Variants in P4HA1 observed in about 807,000 individuals in gnomAD.
The protein encoded by P4HA1 is prolyl 4-hydroxylase subunit alpha 1.
P4HA1 carries 24 observed loss-of-function variants against 72.8 expected under a neutral mutation model. That is an observed-to-expected ratio of 0.33 (90% confidence interval 0.24 to 0.46). The LOEUF is 0.46. P4HA1 is among the 20% of genes least tolerant of loss of function. P4HA1 has a pLI of 1.00. For synonymous variants in P4HA1, 201 were observed against 218.8 expected (o/e 0.92, Z 0.72); for missense variants, 446 against 640.6 (o/e 0.70, Z 3.28).
chr10:73,093,907 T>TACACAC (rs376131663), intron 1 of P4HA1, among the ~76,000 whole-genome samples: 23 of 55,602 alleles, frequency 4.1e-4, no homozygotes, highest in African/African-American at 2.0e-3. Flanking sequence ...TATATATATA[T>TACACAC]ACACACACAC....
intron 7 of P4HA1, among the ~76,000 whole-genome samples, chr10:73,050,511 C>G (rs1277090715): frequency 1.3e-5 from 2 of 151,770 alleles, no homozygotes; most frequent in Non-Finnish European, 2.9e-5. Context: ...ACCAGCCTGG[C>G]CAACATGGTG....
chr10:73,053,314 T>C lies in P4HA1; in HGVS notation c.703+37A>G, dbSNP rs1461189172. 4 of 1,595,310 alleles carry C rather than the reference T, an allele frequency of 2.5e-6. No homozygotes were observed. In the Admixed American group the frequency reaches 6.9e-5, roughly 27 times the overall value. ...AAAATAGAGAATATATATCCCTCAA[T>C]ATAACTATAACCTTAAATTAGGCCC... On this transcript the variant is annotated intron_variant, in intron 6 of 14. Transcript: ENST00000394890.
chr10:73,028,993 C>A (rs1840366908), intron 10 of P4HA1, among the ~76,000 whole-genome samples: 1 of 151,120 alleles, frequency 6.6e-6, no homozygotes, highest in South Asian at 2.1e-4. Context: ...CGCACTGATC[C>A]AAGATTGCAC....
chr10:73,063,565 AT>A (rs1455677215), intron 5 of P4HA1, among the ~76,000 whole-genome samples: 1 of 152,202 alleles, frequency 6.6e-6, no homozygotes, highest in Non-Finnish European at 1.5e-5. Context: ...CAATGCTATT[AT>A]TTTTTCGGTT....
At chr10:73,032,781 A>T (rs1045014900) in intron 9 of P4HA1, among the ~76,000 whole-genome samples, 1 of 152,222 alleles carries the variant, frequency 6.6e-6, no homozygotes, top group Non-Finnish European at 1.5e-5. Flanking sequence ...AGCAAGCGTA[A>T]GAGAGAGAGC....
intron 9 of P4HA1, among the ~76,000 whole-genome samples, chr10:73,034,074 T>C (rs1419882590): frequency 6.6e-6 from 1 of 152,062 alleles, no homozygotes; most frequent in Non-Finnish European, 1.5e-5. Flanking sequence ...TAGCCAGGCA[T>C]GGTAGCGTGT....
intron 1 of P4HA1, among the ~76,000 whole-genome samples, chr10:73,082,280 T>C (rs1477667902): frequency 6.6e-6 from 1 of 152,228 alleles, no homozygotes; most frequent in African/African-American, 2.4e-5. Context: ...GGAGCATCTA[T>C]ATTTACATTG....
chr10:73,008,297 G>C lies in P4HA1; in HGVS notation c.1535-5C>G, dbSNP rs374630726. 6.5e-7 allele frequency: 1 copy of C among 1,543,126 alleles called. No individual in the cohort carries two copies. Among genetic ancestry groups the C allele is most frequent in the Admixed American group, 1.7e-5 (1 of 59,882 alleles). ...CATGGAGCCATTTATTGGATACTGT[G>C]AGAGAAAAGTAATATATTAATTTTC... On this transcript the variant is annotated splice_polypyrimidine_tract_variant and splice_region_variant and intron_variant, in intron 14 of 14. Transcript: ENST00000394890.
chr10:73,017,160 T>C (rs1052021682), intron 10 of P4HA1, among the ~76,000 whole-genome samples: 13 of 146,398 alleles, frequency 8.9e-5, no homozygotes, highest in Admixed American at 8.7e-4. Context: ...TAGATATCTA[T>C]ATCTACAGAT....
intron 10 of P4HA1, among the ~76,000 whole-genome samples, chr10:73,028,665 C>G (rs1840353715): frequency 6.6e-6 from 1 of 151,936 alleles, no homozygotes; most frequent in Admixed American, 6.6e-5. Flanking sequence ...GAACTCCTGA[C>G]TTCAGGTGAT....
chr10:73,029,913 A>G (rs1840395193), intron 10 of P4HA1, among the ~76,000 whole-genome samples: 1 of 152,202 alleles, frequency 6.6e-6, no homozygotes, highest in Non-Finnish European at 1.5e-5. Flanking sequence ...TTAAAAATAA[A>G]TAAATAAAAA....
intron 10 of P4HA1, among the ~76,000 whole-genome samples, chr10:73,026,111 A>G (rs1485916559): frequency 1.3e-5 from 2 of 152,226 alleles, no homozygotes; most frequent in Admixed American, 6.5e-5. Flanking sequence ...TCTACTTTAA[A>G]GTTCATATGG....
intron 5 of P4HA1, among the ~76,000 whole-genome samples, chr10:73,054,651 G>C (rs1368614051): frequency 6.6e-6 from 1 of 152,154 alleles, no homozygotes; most frequent in Non-Finnish European, 1.5e-5. Context: ...GCAACTCTAC[G>C]CTTAACGTTT....
At chr10:73,049,396 C>T (rs1840959067) in intron 7 of P4HA1, among the ~76,000 whole-genome samples, 1 of 152,236 alleles carries the variant, frequency 6.6e-6, no homozygotes, top group African/African-American at 2.4e-5. Context: ...TCCTTCTATG[C>T]AAGCCTGTGT....
chr10:73,020,908 A>G (rs1437968809), intron 10 of P4HA1, among the ~76,000 whole-genome samples: 1 of 152,104 alleles, frequency 6.6e-6, no homozygotes, highest in Non-Finnish European at 1.5e-5. Context: ...GCCAAAGTGG[A>G]TGGATCACCT....
At chr10:73,024,387 T>A (rs1416277638) in intron 10 of P4HA1, among the ~76,000 whole-genome samples, 1 of 152,242 alleles carries the variant, frequency 6.6e-6, no homozygotes, top group Non-Finnish European at 1.5e-5. Context: ...TGCTCCTGAA[T>A]GACTACTGGG....
intron 11 of P4HA1, among the ~76,000 whole-genome samples, chr10:73,014,829 T>C (rs1839980015): frequency 1.3e-5 from 2 of 149,926 alleles, no homozygotes; most frequent in African/African-American, 5.0e-5. Flanking sequence ...ATTTTCTTTT[T>C]TCTTTTTTTT....
At chr10:73,042,276 A>C (rs1840753794) in intron 9 of P4HA1, among the ~76,000 whole-genome samples, 1 of 152,152 alleles carries the variant, frequency 6.6e-6, no homozygotes, top group African/African-American at 2.4e-5. Context: ...GTAACGTTTA[A>C]GGTTAATATA....
chr10:73,078,299 G>A (rs1167554520), intron 1 of P4HA1, among the ~76,000 whole-genome samples: 4 of 152,010 alleles, frequency 2.6e-5, no homozygotes, highest in Non-Finnish European at 4.4e-5. Context: ...TGCCCATCAA[G>A]TGAACAATTA....
Sources: gnomAD v4.1 joint callset for allele counts (sites outside exome capture counted in the v4.1 genomes callset) on GRCh38, gnomAD v4.1.1 for gene constraint, MANE v1.5 for transcripts, NCBI Gene and HGNC (gene_info 2026-07-23, HGNC 2026-07-21) for gene names.